Variants in CNTNAP4 observed in about 807,000 individuals in gnomAD.
CNTNAP4 encodes the protein contactin-associated protein-like 4.
A neutral mutation model predicts 148.4 loss-of-function variants in CNTNAP4; 98 were observed. The observed-to-expected ratio is 0.66, with a 90% confidence interval of 0.56 to 0.78. The LOEUF (loss-of-function observed/expected upper bound fraction) is 0.78, where lower values mean the gene tolerates loss of function less well. Ranked by LOEUF, CNTNAP4 falls within the 30% of genes least tolerant of loss-of-function variation. CNTNAP4 has a pLI of 0.00. For synonymous variants in CNTNAP4, 730 were observed against 565.1 expected (o/e 1.29, Z -4.14); for missense variants, 1,935 against 1,565.6 (o/e 1.24, Z -3.98).
chr16:76,370,238 G>GTGTGGGTTTCATA (rs140167441), intron 3 of CNTNAP4, among the ~76,000 whole-genome samples: 7,461 of 151,838 alleles, frequency 0.049, 605 homozygotes, highest in African/African-American at 0.17. Context: ...ATATATAGCT[G>GTGTGGGTTTCATA]TGTGGGTTTC....
In CNTNAP4 at chr16:76,558,616, C is replaced by G. The variant is rs763929190; in HGVS notation, c.3860C>G (p.Ala1287Gly). The G allele has an allele frequency of 1.2e-6, 2 of 1,613,094 alleles. No individual in the cohort carries two copies. Among genetic ancestry groups the G allele is most frequent in the East Asian group, 4.5e-5 (2 of 44,862 alleles). Residue 1287 changes from alanine (A) to glycine (G), a missense_variant, in exon 24 of 24, where the codon GCT becomes GGT. Physicochemically the swap from Ala to Gly is moderately conservative, Grantham distance 60. Coordinates refer to ENST00000611870, the MANE Select transcript of CNTNAP4 (RefSeq NM_033401.5). Reference sequence around the variant, plus strand: ...TCAGAGAATGTAGACAGTGCTGAGGCTGTTCTGAAAAGTGAGCTTAATATA... The same window carrying G: ...TCAGAGAATGTAGACAGTGCTGAGGGTGTTCTGAAAAGTGAGCTTAATATA... ...KRSENVDSAE[A>G]VLKSELNIQN...
At chr16:76,361,110 A>G (rs2013382619) in intron 3 of CNTNAP4, among the ~76,000 whole-genome samples, 1 of 151,918 alleles carries the variant, frequency 6.6e-6, no homozygotes, top group African/African-American at 2.4e-5. Context: ...GGCATGAGGC[A>G]CCGCGCCCGG....
rs1413174139 is a variant in CNTNAP4 at position 76,522,067 on chromosome 16, T to C, written c.2565T>C (p.Asp855=). 6.2e-7 allele frequency: 1 copy of C among 1,613,944 alleles called. No homozygotes were observed. Among genetic ancestry groups the C allele is most frequent in the Non-Finnish European group, 8.5e-7 (1 of 1,179,820 alleles). The stretch of plus-strand genomic sequence containing the variant: ...CGACAGTAGTGACTTTTTCATTTGA[T>C]GTGGGGAATGGGCCTTTTGAAATCT... ...RSPTVVTFSF[D]VGNGPFEISV... is the part of the protein sequence containing the mutation. Residue 855 remains aspartate, a synonymous_variant, in exon 17 of 24, where the codon GAT becomes GAC. Transcript: ENST00000611870.
At chr16:76,496,935 C>T (rs1179419142) in intron 14 of CNTNAP4, among the ~76,000 whole-genome samples, 1 of 152,056 alleles carries the variant, frequency 6.6e-6, no homozygotes, top group Non-Finnish European at 1.5e-5. Context: ...TAAAAATAAT[C>T]ACAATGTGTA....
intron 15 of CNTNAP4, among the ~76,000 whole-genome samples, chr16:76,516,063 G>T (rs11642786): frequency 6.6e-6 from 1 of 151,608 alleles, no homozygotes; most frequent in Non-Finnish European, 1.5e-5. Context: ...GCATCCATTA[G>T]GTATTTGTCT....
In CNTNAP4 at chr16:76,409,125, G is replaced by A. The variant is rs189014390; in HGVS notation, c.391-18327G>A. Among the ~76,000 whole-genome samples, 156 of 152,022 alleles carry A rather than the reference G, an allele frequency of 1.0e-3. 1 individual carries two copies. The South Asian group carries it at 0.022, about 21-fold the overall frequency. Reference sequence around the variant, plus strand: ...CACAATAGGCTTTACACTACATGTGGCATTAAGATAAATATCATTTAAGTG... The same window carrying A: ...CACAATAGGCTTTACACTACATGTGACATTAAGATAAATATCATTTAAGTG... On this transcript the variant is annotated intron_variant, in intron 3 of 23. Transcript: ENST00000611870.
intron 1 of CNTNAP4, among the ~76,000 whole-genome samples, chr16:76,310,908 C>T (rs956731535): frequency 2.0e-5 from 3 of 152,004 alleles, no homozygotes; most frequent in African/African-American, 7.2e-5. Context: ...ACACTTTCTA[C>T]CACCTATTAG....
At chr16:76,427,741 C>T (rs1348932327) in intron 4 of CNTNAP4, 142 bp downstream of exon 4, 1 of 611,910 alleles carries the variant, frequency 1.6e-6, no homozygotes, top group African/African-American at 1.9e-5. Context: ...CTTTTTTGTG[C>T]ATGCCTGTAC....
chr16:76,457,541 A>G (rs1033445437), intron 8 of CNTNAP4, among the ~76,000 whole-genome samples: 1 of 152,140 alleles, frequency 6.6e-6, no homozygotes, highest in Non-Finnish European at 1.5e-5. Flanking sequence ...TTGCTTCTGT[A>G]TGGACAGTAG....
chr16:76,424,940 T>C (rs4453528), intron 3 of CNTNAP4, among the ~76,000 whole-genome samples: 150,639 of 152,238 alleles, frequency 0.99, 74,541 homozygotes, highest in East Asian at 1. Context: ...ATTTTTTAGG[T>C]GAATCATCGG....
intron 1 of CNTNAP4, among the ~76,000 whole-genome samples, chr16:76,286,662 G>T (rs74623070): frequency 3.3e-5 from 5 of 151,928 alleles, no homozygotes; most frequent in Non-Finnish European, 5.9e-5. Context: ...AAGACAATGC[G>T]GTAAAGTGAT....
At chr16:76,497,819 G>A (rs969148817) in intron 14 of CNTNAP4, among the ~76,000 whole-genome samples, 2 of 151,976 alleles carry the variant, frequency 1.3e-5, no homozygotes, top group African/African-American at 4.8e-5. Context: ...TTCTGCACAT[G>A]TATCCTAGAA....
chr16:76,399,767 C>G (rs1198366059), intron 3 of CNTNAP4, among the ~76,000 whole-genome samples: 1 of 152,134 alleles, frequency 6.6e-6, no homozygotes, highest in African/African-American at 2.4e-5. Context: ...AACTTTGATG[C>G]ATCTTTTGTT....
In CNTNAP4 at chr16:76,558,945, G is replaced by A. The variant is rs2085311279; in HGVS notation, c.*262G>A. 3.9e-6 allele frequency: 1 copy of A among 258,812 alleles called. No individual in the cohort carries two copies. The highest frequency in any genetic ancestry group is 7.2e-6 in the Non-Finnish European group (1 of 138,172). The allele number at this position is 258,812 out of a possible 1,614,324, so 16.0% of individuals were successfully genotyped here. A position where few individuals can be genotyped will look rare whatever the true frequency, so the allele number is the denominator to read the frequency against. ...GTATGATCTAAAACAAGTTTAACCT[G>A]CTTAATGGCTACAGTTTTTACATGT... On this transcript the variant is annotated 3_prime_UTR_variant, in exon 24 of 24. Transcript: ENST00000611870.
chr16:76,484,181 G>A (rs555620405), intron 12 of CNTNAP4, among the ~76,000 whole-genome samples: 1 of 144,190 alleles, frequency 6.9e-6, no homozygotes, highest in African/African-American at 2.5e-5. Flanking sequence ...ATGTGTGTGT[G>A]GGGAAAGAGA....
At chr16:76,355,601 A>G in intron 3 of CNTNAP4, 90 bp downstream of exon 3, 2 of 912,682 alleles carry the variant, frequency 2.2e-6, no homozygotes, top group Non-Finnish European at 3.1e-6. Context: ...TTAAGTAGAC[A>G]TACAGAATCT....
chr16:76,529,843 C>CTGTGTGTG lies in CNTNAP4; in HGVS notation c.2756-5680_2756-5673dup, dbSNP rs35748962. ...CTGAGACTGTAGTGATGAATCTCAGCTGTGTGTGTGTGTGTGTGTGTGTGT... is the reference window on the plus strand; with the variant it reads ...CTGAGACTGTAGTGATGAATCTCAGCTGTGTGTGTGTGTGTGTGTGTGTGTGTGTGTGT... On this transcript the variant is annotated intron_variant, in intron 17 of 23. Coordinates refer to ENST00000611870, the MANE Select transcript of CNTNAP4 (RefSeq NM_033401.5). Among the ~76,000 whole-genome samples, 927 of 148,440 alleles carry CTGTGTGTG rather than the reference C, an allele frequency of 6.2e-3. 11 individuals are homozygous for CTGTGTGTG. Among genetic ancestry groups the CTGTGTGTG allele is most frequent in the East Asian group, 0.02 (102 of 5,014 alleles).
chr16:76,423,273 T>G (rs1281607514), intron 3 of CNTNAP4, among the ~76,000 whole-genome samples: 1 of 152,114 alleles, frequency 6.6e-6, no homozygotes, highest in East Asian at 1.9e-4. Context: ...CATAAAAGAA[T>G]AGGATTTATA....
rs182159337 is a variant in CNTNAP4 at position 76,560,076 on chromosome 16, C to A, written c.*1393C>A. ...GATCAATAACCTTATGGAACTGTTA[C>A]AATAATTAATCTTGAGACCATGCAT... On this transcript the variant is annotated 3_prime_UTR_variant, in exon 24 of 24. Coordinates refer to ENST00000611870, the MANE Select transcript of CNTNAP4 (RefSeq NM_033401.5). 2.6e-5 allele frequency among the ~76,000 whole-genome samples: 4 copies of A among 152,090 alleles called. No individual in the cohort carries two copies. Among genetic ancestry groups the A allele is most frequent in the Non-Finnish European group, 5.9e-5 (4 of 68,010 alleles).
Sources: gnomAD v4.1 joint callset for allele counts (sites outside exome capture counted in the v4.1 genomes callset) on GRCh38, gnomAD v4.1.1 for gene constraint, MANE v1.5 for transcripts, NCBI Gene and HGNC (gene_info 2026-07-23, HGNC 2026-07-21) for gene names.